The following SPMAP2L variants were observed in gnomAD, a reference collection of about 807,000 sequenced individuals.
The protein encoded by SPMAP2L is sperm microtubule associated protein 2 like, also known as sperm microtubule associated protein 2-like.
At chr4:56,583,970 AT>A in the SPMAP2L span, among the ~76,000 whole-genome samples, 4,244 of 147,108 alleles carry the variant, frequency 0.029, 172 homozygotes, top group African/African-American at 0.094. Context: ...TAAAATGTAA[AT>A]TTTTTTTTTT....
chr4:56,596,386 T>G, the SPMAP2L span: 1 of 1,087,554 alleles, frequency 9.2e-7, no homozygotes. Flanking sequence ...TCCCACCCTT[T>G]CTGCTGGAGT....
chr4:56,594,177 G>A, the SPMAP2L span: 1 of 1,613,092 alleles, frequency 6.2e-7, no homozygotes, highest in Non-Finnish European at 8.5e-7. Flanking sequence ...GAGTGCAGAG[G>A]TATTCCAGGG....
At chr4:56,624,929 C>G in the SPMAP2L span, among the ~76,000 whole-genome samples, 1 of 152,174 alleles carries the variant, frequency 6.6e-6, no homozygotes, top group Non-Finnish European at 1.5e-5. Context: ...GGGTCACTGT[C>G]CTCCAGACCC....
the SPMAP2L span, among the ~76,000 whole-genome samples, chr4:56,581,293 A>G: frequency 2.0e-5 from 3 of 152,126 alleles, no homozygotes; most frequent in Non-Finnish European, 4.4e-5. Flanking sequence ...CGTCTCTACT[A>G]AAAATACAAA....
At chr4:56,594,221 C>T in the SPMAP2L span, 1 of 1,608,316 alleles carries the variant, frequency 6.2e-7, no homozygotes. Context: ...GTTCCTCACC[C>T]ATCAAGTGTT....
the SPMAP2L span, chr4:56,603,353 G>A: frequency 1.4e-6 from 2 of 1,479,990 alleles, no homozygotes; most frequent in Non-Finnish European, 1.8e-6. Flanking sequence ...TCAGACCCTG[G>A]TTATGTATCT....
the SPMAP2L span, among the ~76,000 whole-genome samples, chr4:56,592,399 T>C: frequency 6.6e-6 from 1 of 152,250 alleles, no homozygotes; most frequent in African/African-American, 2.4e-5. Flanking sequence ...ATCAGTTATT[T>C]GCTATTGCCT....
the SPMAP2L span, among the ~76,000 whole-genome samples, chr4:56,571,415 C>T: frequency 8.0e-5 from 12 of 150,208 alleles, no homozygotes; most frequent in Admixed American, 3.3e-4. Context: ...TGGGCTCATG[C>T]GATCCTCCCA....
At chr4:56,570,135 C>T in the SPMAP2L span, among the ~76,000 whole-genome samples, 8 of 152,156 alleles carry the variant, frequency 5.3e-5, no homozygotes, top group East Asian at 1.9e-4. Flanking sequence ...TGTTTTGATC[C>T]GTTAAGTCTC....
At chr4:56,574,015 G>A in the SPMAP2L span, among the ~76,000 whole-genome samples, 1 of 152,170 alleles carries the variant, frequency 6.6e-6, no homozygotes, top group African/African-American at 2.4e-5. Flanking sequence ...AGAAGCAAAA[G>A]TGGGACTGCA....
the SPMAP2L span, among the ~76,000 whole-genome samples, chr4:56,607,810 A>G: frequency 5.3e-5 from 8 of 152,136 alleles, no homozygotes; most frequent in Admixed American, 2.0e-4. Context: ...CAACATAGGG[A>G]CACCCCATTT....
At chr4:56,611,237 T>C in the SPMAP2L span, among the ~76,000 whole-genome samples, 1 of 152,206 alleles carries the variant, frequency 6.6e-6, no homozygotes, top group African/African-American at 2.4e-5. Context: ...CTGGTATATG[T>C]ATATGATGGA....
the SPMAP2L span, among the ~76,000 whole-genome samples, chr4:56,564,428 CT>C: frequency 2.0e-5 from 3 of 152,230 alleles, no homozygotes; most frequent in Non-Finnish European, 4.4e-5. Flanking sequence ...GCGTGAGCCA[CT>C]GCGCCCAGCT....
chr4:56,577,176 G>A, the SPMAP2L span, among the ~76,000 whole-genome samples: 5 of 150,408 alleles, frequency 3.3e-5, no homozygotes, highest in Non-Finnish European at 7.4e-5. Context: ...AGGCCAAGGT[G>A]GGTGGATCAT....
chr4:56,583,565 G>T, the SPMAP2L span, among the ~76,000 whole-genome samples: 1 of 152,122 alleles, frequency 6.6e-6, no homozygotes, highest in Non-Finnish European at 1.5e-5. Flanking sequence ...TCCATATTAG[G>T]CTCGTAGGTT....
chr4:56,545,691 A>T, the SPMAP2L span, among the ~76,000 whole-genome samples: 1 of 143,416 alleles, frequency 7.0e-6, no homozygotes, highest in Non-Finnish European at 1.5e-5. Flanking sequence ...ACTGCACTCT[A>T]GCCTGGGCAA....
chr4:56,564,635 T>C, the SPMAP2L span, among the ~76,000 whole-genome samples: 2 of 152,202 alleles, frequency 1.3e-5, no homozygotes, highest in Non-Finnish European at 2.9e-5. Flanking sequence ...ATTGATTTTC[T>C]CCATTATTTT....
the SPMAP2L span, chr4:56,595,757 C>A: frequency 1.2e-6 from 1 of 844,334 alleles, no homozygotes; most frequent in Non-Finnish European, 2.1e-6. Context: ...TGATTTGGTG[C>A]CTCTCCCCAG....
the SPMAP2L span, chr4:56,559,654 G>C: frequency 2.3e-6 from 2 of 886,118 alleles, no homozygotes; most frequent in Non-Finnish European, 3.0e-6. Flanking sequence ...TGCAACCTCC[G>C]CCTCCCAGGT....
Sources: allele counts gnomAD v4.1 joint callset (sites outside exome capture counted in the v4.1 genomes callset), GRCh38; gene constraint gnomAD v4.1.1; transcripts MANE v1.5; gene names NCBI Gene and HGNC (gene_info 2026-07-23, HGNC 2026-07-21).